Variants in EXOSC2 observed in about 807,000 individuals in gnomAD.
EXOSC2 encodes the protein exosome component 2.
Under a neutral mutation model 37.6 loss-of-function variants are expected in EXOSC2, and 29 were observed. The observed-to-expected ratio is 0.77, with a 90% CI of 0.57 to 1.05. The LOEUF is 1.05. Among genes scored for constraint, EXOSC2 ranks in the 50% least tolerant of loss-of-function variants. The pLI is 0.00. For missense variants in EXOSC2, 346 were observed against 365.6 expected, an observed-to-expected ratio of 0.95 and a Z score of 0.44; for synonymous variants, 119 against 131.1, an observed-to-expected ratio of 0.91 and a Z score of 0.63.
At chr9:130,702,082 C>G in intron 6 of EXOSC2, 52 bp from the exon 7 acceptor site, 2 of 1,586,184 alleles carry the variant, frequency 1.3e-6, no homozygotes, top group Non-Finnish European at 1.7e-6. Context: ...GTCTCCTTTT[C>G]ATTCATCCCG....
chr9:130,698,060 CT>C lies in EXOSC2; in HGVS notation c.271-101del. The C allele has an allele frequency of 4.5e-6, 5 of 1,100,492 alleles. No homozygotes were observed. The highest frequency in any genetic ancestry group is 6.9e-6 in the Non-Finnish European group (5 of 727,338). The allele number at this position is 1,100,492 out of a possible 1,614,324, so 68.2% of individuals were successfully genotyped here. On this transcript the variant is annotated intron_variant, in intron 3 of 8. Coordinates refer to ENST00000372358, the MANE Select transcript of EXOSC2 (RefSeq NM_014285.7). The surrounding 1 kb of genome is among the most constrained non-coding windows in gnomAD (Gnocchi z 4.1). ...CCACCAGCTTCGGCCTCCCAAAGTG[CT>C]GGGATTACAGGCGTGAGCCACCACA...
In EXOSC2 at chr9:130,695,550, G is replaced by T. The variant is rs1831074034; in HGVS notation, c.181G>T (p.Glu61Ter). The T allele has an allele frequency of 1.2e-6, 2 of 1,614,220 alleles. No homozygotes were observed. The change falls in exon 2 of 9, where the codon GAG becomes TAG. Residue 61 changes from glutamate (E) to a stop codon, truncating the protein, a stop_gained. Transcript: ENST00000372358. LOFTEE classifies it high-confidence loss of function. ...KLIASVAGSV[E>*]RVNKLICVKA... The stretch of plus-strand genomic sequence containing the variant: ...CATTGCATCTGTTGCTGGCTCTGTG[G>T]AGAGAGTAAACAAGTTGATCTGTGT...
At chr9:130,697,089 G>T (rs1323536550) in intron 2 of EXOSC2, among the ~76,000 whole-genome samples, 1 of 152,182 alleles carries the variant, frequency 6.6e-6, no homozygotes, top group African/African-American at 2.4e-5. Flanking sequence ...TGGCCGAAAA[G>T]TGAAGAGGTC....
rs1270893491 is a variant in EXOSC2 at position 130,703,853 on chromosome 9, C to G, written c.*79C>G. The G allele has an allele frequency of 4.2e-5, 49 of 1,176,446 alleles. No homozygotes were observed. The highest frequency in any genetic ancestry group is 3.7e-6 in the Non-Finnish European group (3 of 815,462). The allele number at this position is 1,176,446 out of a possible 1,614,324, so 72.9% of individuals were successfully genotyped here. On this transcript the variant is annotated 3_prime_UTR_variant, in exon 9 of 9. Coordinates refer to ENST00000372358, the MANE Select transcript of EXOSC2 (RefSeq NM_014285.7). ...TGTGTGGTCCCCATATGTGGCTCAG[C>G]AAAGACTCGAGAGATCATCCCTTTG...
chr9:130,695,198 G>A (rs1254252867), intron 1 of EXOSC2, among the ~76,000 whole-genome samples: 1 of 152,216 alleles, frequency 6.6e-6, no homozygotes, highest in Admixed American at 6.5e-5. Context: ...AAAAAGTGGA[G>A]CAGGGTCAAT....
Position 130,699,348 on chromosome 9 carries a change from A to C in EXOSC2, c.380A>C (p.Asp127Ala). ...GGELRRRSAE[D>A]ELAMRGFLQE... is the part of the protein sequence containing the mutation. ...TTTCAGAGGAGAAGATCTGCAGAAG[A>C]TGAGCTTGCAATGAGAGGTTTCTTA... The change falls in exon 5 of 9, where the codon GAT (aspartate) becomes GCT (alanine). Residue 127 changes from aspartate to alanine, a missense_variant. Asp to Ala is a moderately radical substitution (Grantham distance 126). Coordinates refer to ENST00000372358, the MANE Select transcript of EXOSC2 (RefSeq NM_014285.7). 1 of 1,614,228 alleles carries C rather than the reference A, an allele frequency of 6.2e-7. No individual in the cohort carries two copies. The highest frequency in any genetic ancestry group is 8.5e-7 in the Non-Finnish European group (1 of 1,180,038).
rs1010724730 is a variant in EXOSC2 at position 130,698,460 on chromosome 9, G to C, written c.360+209G>C. 4.6e-5 allele frequency among the ~76,000 whole-genome samples: 7 copies of C among 152,216 alleles called. No homozygotes were observed. The highest frequency in any genetic ancestry group is 1.7e-4 in the African/African-American group (7 of 41,452). On this transcript the variant is annotated intron_variant, in intron 4 of 8. Transcript: ENST00000372358. This position sits in a 1 kb window ranked among gnomAD's most constrained non-coding sequence, Gnocchi z 4.1. ...AGAGGGAGCAGTTGGCATATGGTAG[G>C]ATCAGAAACATCCATGGGGTGGGAT...
At position 130,694,029 on chromosome 9, in the gene EXOSC2, G is replaced by A; in HGVS notation, c.122+116G>A. 7.9e-7 allele frequency: 1 copy of A among 1,273,826 alleles called. No homozygotes were observed. The highest frequency in any genetic ancestry group is 1.1e-6 in the Non-Finnish European group (1 of 942,788). The allele number at this position is 1,273,826 out of a possible 1,614,324, so 78.9% of individuals were successfully genotyped here. On this transcript the variant is annotated intron_variant, in intron 1 of 8. Transcript: ENST00000372358. This position sits in a 1 kb window ranked among gnomAD's most constrained non-coding sequence, Gnocchi z 4.0. ...CTCCCCGCGGGACCCAGGGCACTTC[G>A]TCTGAGCATCCTACACACCTCGCTT...
intron 6 of EXOSC2, 30 bp from the exon 7 acceptor site, chr9:130,702,104 G>A (rs1831228532): frequency 6.2e-7 from 1 of 1,604,974 alleles, no homozygotes; most frequent in South Asian, 1.1e-5. Flanking sequence ...CAATCTTGCA[G>A]TGACCTAGCT....
chr9:130,695,876 T>C (rs932702286), intron 2 of EXOSC2, among the ~76,000 whole-genome samples: 6 of 146,846 alleles, frequency 4.1e-5, no homozygotes, highest in East Asian at 3.9e-4. Flanking sequence ...TTTTTTTTTT[T>C]CCGAGATGGA....
In EXOSC2 at chr9:130,693,801, G is replaced by C. The variant is rs1342334997; in HGVS notation, c.10G>C (p.Glu4Gln). Residue 4 changes from glutamate (E) to glutamine (Q), a missense_variant, in exon 1 of 9, where the codon GAG (glutamate) becomes CAG (glutamine). Physicochemically the swap from Glu to Gln is conservative, Grantham distance 29. Coordinates refer to ENST00000372358, the MANE Select transcript of EXOSC2 (RefSeq NM_014285.7). ...ACTCATTGGCGCCAAGATGGCGATGGAGATGAGGCTTCCAGTGGCTCGCAA... is the reference window on the plus strand; with the variant it reads ...ACTCATTGGCGCCAAGATGGCGATGCAGATGAGGCTTCCAGTGGCTCGCAA... MAM[E>Q]MRLPVARKPL... is the part of the protein sequence containing the mutation. 2 of 1,607,904 alleles carry C rather than the reference G, an allele frequency of 1.2e-6. No homozygotes were observed. The highest frequency in any genetic ancestry group is 3.4e-5 in the Admixed American group (2 of 59,592).
At chr9:130,701,246 G>A in intron 6 of EXOSC2, 1 of 316,358 alleles carries the variant, frequency 3.2e-6, no homozygotes, top group South Asian at 3.2e-5. Context: ...AGGGGGCGCT[G>A]CAGCTCAGCA....
Position 130,703,793 on chromosome 9 carries a change from CG to C in EXOSC2, c.*22del. 6.2e-7 allele frequency: 1 copy of C among 1,600,958 alleles called. No homozygotes were observed. Among genetic ancestry groups the C allele is most frequent in the South Asian group, 1.1e-5 (1 of 90,356 alleles). ...GGGATAAGGAGGTGCTCCAGAAGCA[CG>C]GGACTGTGGACCTTGCAGGAGTGAA... is the stretch of plus-strand genomic sequence containing the variant. On this transcript the variant is annotated 3_prime_UTR_variant, in exon 9 of 9. Coordinates refer to ENST00000372358, the MANE Select transcript of EXOSC2 (RefSeq NM_014285.7).
intron 2 of EXOSC2, among the ~76,000 whole-genome samples, chr9:130,696,674 G>A (rs1831104042): frequency 6.6e-6 from 1 of 152,160 alleles, no homozygotes; most frequent in Admixed American, 6.5e-5. Flanking sequence ...ATAGGACCCC[G>A]TCAACTGTGA....
rs369056042 is a variant in EXOSC2 at position 130,701,691 on chromosome 9, T to G, written c.496-443T>G. On this transcript the variant is annotated intron_variant, in intron 6 of 8. Transcript: ENST00000372358. ...GTCCTGCCAGGACCAGACATGGATT[T>G]GCACCCAGCTCCACCCATCTCCTTA... The G allele has an allele frequency of 4.6e-5, 41 of 893,866 alleles. 3 individuals are homozygous for G. In the Admixed American group the frequency reaches 5.2e-4, roughly 11 times the overall value. The allele number at this position is 893,866 out of a possible 1,614,324, so 55.4% of individuals were successfully genotyped here. A position where few individuals can be genotyped will look rare whatever the true frequency, so the allele number is the denominator to read the frequency against.
Position 130,693,802 on chromosome 9 carries a change from A to G in EXOSC2, c.11A>G (p.Glu4Gly). 1 of 1,607,084 alleles carries G rather than the reference A, an allele frequency of 6.2e-7. No individual in the cohort carries two copies. Among genetic ancestry groups the G allele is most frequent in the Non-Finnish European group, 8.5e-7 (1 of 1,175,320 alleles). The change falls in exon 1 of 9, where the codon GAG (glutamate) becomes GGG (glycine). Residue 4 changes from glutamate (E) to glycine (G), a missense_variant. Coordinates refer to ENST00000372358, the MANE Select transcript of EXOSC2 (RefSeq NM_014285.7). MAMEMRLPVARKPL... is the reference protein window; with the variant it reads MAMGMRLPVARKPL... Reference sequence around the variant, plus strand: ...CTCATTGGCGCCAAGATGGCGATGGAGATGAGGCTTCCAGTGGCTCGCAAG... The same window carrying G: ...CTCATTGGCGCCAAGATGGCGATGGGGATGAGGCTTCCAGTGGCTCGCAAG...
intron 8 of EXOSC2, 113 bp from the exon 9 acceptor site, chr9:130,703,581 C>A: frequency 1.3e-6 from 1 of 792,056 alleles, no homozygotes; most frequent in Non-Finnish European, 2.1e-6. Flanking sequence ...GTCTCTGAGA[C>A]ATGAAAGGAA....
intron 5 of EXOSC2, among the ~76,000 whole-genome samples, chr9:130,699,949 G>C (rs1831176657): frequency 6.6e-6 from 1 of 152,208 alleles, no homozygotes; most frequent in African/African-American, 2.4e-5. Context: ...CAAGGCTACA[G>C]TAAGCTATGA....
In EXOSC2 at chr9:130,694,253, GCT is replaced by G. The variant is rs1831043790; in HGVS notation, c.122+345_122+346del. ...GGTGCAGGCTCTTTTCCAGTTTTCA[GCT>G]CTCTGAGGGGACGGTGGGCGTTCTT... On this transcript the variant is annotated intron_variant, in intron 1 of 8. Coordinates refer to ENST00000372358, the MANE Select transcript of EXOSC2 (RefSeq NM_014285.7). The surrounding 1 kb of genome is among the most constrained non-coding windows in gnomAD (Gnocchi z 4.0). Among the ~76,000 whole-genome samples, 1 of 152,136 alleles carries G rather than the reference GCT, an allele frequency of 6.6e-6. No homozygotes were observed. The highest frequency in any genetic ancestry group is 1.5e-5 in the Non-Finnish European group (1 of 68,018).
Sources: gnomAD v4.1 joint callset for allele counts (sites outside exome capture counted in the v4.1 genomes callset) on GRCh38, gnomAD v4.1.1 for gene constraint, Gnocchi (gnomAD v3.1) non-coding constraint, MANE v1.5 for transcripts, NCBI Gene and HGNC (gene_info 2026-07-23, HGNC 2026-07-21) for gene names.